The following GTF2A1 variants were observed in gnomAD, a reference collection of about 807,000 sequenced individuals.
The protein encoded by GTF2A1 is general transcription factor IIA subunit 1.
A neutral mutation model predicts 54.1 loss-of-function variants in GTF2A1; 12 were observed. The ratio of observed to expected loss-of-function variants is 0.22; its 90% CI spans 0.14 to 0.36. The LOEUF is 0.36. GTF2A1 is among the 10% of genes least tolerant of loss of function. The pLI, the probability that GTF2A1 is intolerant of heterozygous loss-of-function variation, is 1.00. For synonymous variants in GTF2A1, 145 were observed against 152.0 expected (o/e 0.95, Z 0.34); for missense variants, 335 against 442.2 (o/e 0.76, Z 2.17).
At chr14:81,209,073 T>A (rs142548675) in intron 2 of GTF2A1, among the ~76,000 whole-genome samples, 9 of 152,302 alleles carry the variant, frequency 5.9e-5, no homozygotes, top group African/African-American at 1.9e-4. Flanking sequence ...TTTTGAAATA[T>A]GACGACATGA....
intron 2 of GTF2A1, among the ~76,000 whole-genome samples, chr14:81,207,742 G>C (rs1246669669): frequency 1.3e-5 from 2 of 152,236 alleles, no homozygotes; most frequent in Non-Finnish European, 2.9e-5. Context: ...GGTGGTCTCA[G>C]ATGGCGATGA....
At chr14:81,218,180 A>G (rs1595234174) in intron 1 of GTF2A1, among the ~76,000 whole-genome samples, 1 of 152,240 alleles carries the variant, frequency 6.6e-6, no homozygotes, top group East Asian at 1.9e-4. Context: ...CAAATTGACA[A>G]TATGTATGCT....
intron 2 of GTF2A1, chr14:81,209,854 T>G: frequency 1.7e-6 from 2 of 1,152,182 alleles, no homozygotes; most frequent in African/African-American, 1.6e-5. Flanking sequence ...AAAAGACATT[T>G]CTATTTTGTA....
At chr14:81,193,777 T>C (rs987456604) in intron 6 of GTF2A1, among the ~76,000 whole-genome samples, 1 of 152,200 alleles carries the variant, frequency 6.6e-6, no homozygotes, top group Non-Finnish European at 1.5e-5. Context: ...AAATATTAAC[T>C]ATATGTATTA....
intron 5 of GTF2A1, 61 bp from the exon 6 acceptor site, chr14:81,196,302 G>T (rs897334455): frequency 5.9e-6 from 9 of 1,535,234 alleles, no homozygotes; most frequent in Non-Finnish European, 8.1e-6. Flanking sequence ...CAAAAGAAAT[G>T]AATTCATATT....
intron 2 of GTF2A1, among the ~76,000 whole-genome samples, chr14:81,207,151 C>CTACG (rs1333887281): frequency 2.7e-5 from 3 of 111,190 alleles, no homozygotes; most frequent in African/African-American, 7.9e-5. Flanking sequence ...ACCTACCTAC[C>CTACG]TACCTACCTA....
intron 2 of GTF2A1, among the ~76,000 whole-genome samples, chr14:81,208,556 G>A (rs893204283): frequency 2.6e-5 from 4 of 152,208 alleles, no homozygotes; most frequent in African/African-American, 9.6e-5. Context: ...TGTGAGAAGA[G>A]GGCCACAGTC....
At chr14:81,184,542 T>C (rs1020373725) in intron 8 of GTF2A1, among the ~76,000 whole-genome samples, 4 of 152,214 alleles carry the variant, frequency 2.6e-5, no homozygotes, top group Non-Finnish European at 5.9e-5. Context: ...TCCACCTTTT[T>C]ATTAGTAAAT....
chr14:81,212,477 T>C (rs1448137054), intron 2 of GTF2A1, among the ~76,000 whole-genome samples: 4 of 152,204 alleles, frequency 2.6e-5, no homozygotes, highest in African/African-American at 9.6e-5. Flanking sequence ...ACCTCAAAGA[T>C]TGGGTTGAAA....
intron 3 of GTF2A1, chr14:81,202,955 A>C (rs1042380239): frequency 4.6e-5 from 17 of 368,756 alleles, no homozygotes; most frequent in African/African-American, 3.0e-4. Context: ...TGTCATTACC[A>C]ATTTTAAGAC....
intron 2 of GTF2A1, among the ~76,000 whole-genome samples, chr14:81,206,493 G>A (rs756018652): frequency 6.6e-5 from 10 of 152,158 alleles, no homozygotes; most frequent in African/African-American, 1.7e-4. Flanking sequence ...AAAAATGCTC[G>A]ACCTTACAGA....
intron 2 of GTF2A1, among the ~76,000 whole-genome samples, chr14:81,214,167 A>C (rs2140041677): frequency 6.6e-6 from 1 of 152,346 alleles, no homozygotes; most frequent in East Asian, 1.9e-4. Flanking sequence ...CAATCAAGGT[A>C]AGATTTGCAA....
intron 4 of GTF2A1, 77 bp from the exon 5 acceptor site, chr14:81,197,561 T>C: frequency 1.3e-6 from 1 of 795,370 alleles, no homozygotes; most frequent in Non-Finnish European, 2.0e-6. Flanking sequence ...TTTAATAGTG[T>C]ATGAAACTTT....
chr14:81,201,359 T>C (rs774078793), intron 4 of GTF2A1, among the ~76,000 whole-genome samples: 1 of 152,198 alleles, frequency 6.6e-6, no homozygotes, highest in South Asian at 2.1e-4. Flanking sequence ...GGGAATGGAA[T>C]AACTCTCACA....
rs1047116636 is a variant in GTF2A1, at chr14:81,179,519, G to A, written c.*704C>T. Reference sequence around the variant, plus strand: ...TGTGGTTTCAATTCCACTGAACTCAGACAAGACCCAAGTCTTTAATTACAT... The same window carrying A: ...TGTGGTTTCAATTCCACTGAACTCAAACAAGACCCAAGTCTTTAATTACAT... On this transcript the variant is annotated 3_prime_UTR_variant, in exon 9 of 9. Transcript: ENST00000553612. The A allele has an allele frequency of 6.6e-6, 1 of 152,156 alleles. No individual in the cohort carries two copies. Among genetic ancestry groups the A allele is most frequent in the African/African-American group, 2.4e-5 (1 of 41,436 alleles). 9.4% of individuals were successfully genotyped at this position (152,156 alleles called of 1,614,324 possible).
In GTF2A1 at chr14:81,220,697, G is replaced by T; in HGVS notation, c.-179C>A. The stretch of plus-strand genomic sequence containing the variant: ...GGAGAGCGGAGAGAGGAGGAGGAGG[G>T]GGGCACTCCTCCCGCAGCTGAAAAC... On this transcript the variant is annotated 5_prime_UTR_variant, in exon 1 of 9. Transcript: ENST00000553612. The T allele has an allele frequency of 2.6e-6, 1 of 391,592 alleles. No individual in the cohort carries two copies. The highest frequency in any genetic ancestry group is 4.5e-5 in the Admixed American group (1 of 22,246). 24.3% of individuals were successfully genotyped at this position (391,592 alleles called of 1,614,324 possible).
intron 2 of GTF2A1, among the ~76,000 whole-genome samples, chr14:81,205,650 G>A (rs1893212508): frequency 6.6e-6 from 1 of 152,228 alleles, no homozygotes; most frequent in African/African-American, 2.4e-5. Flanking sequence ...GGCCATTTAT[G>A]TAACCTGATC....
At chr14:81,219,325 G>T (rs114403252) in intron 1 of GTF2A1, among the ~76,000 whole-genome samples, 9 of 152,276 alleles carry the variant, frequency 5.9e-5, no homozygotes, top group African/African-American at 2.2e-4. Flanking sequence ...CTCTTGCCTC[G>T]GGAGCACGCA....
intron 7 of GTF2A1, among the ~76,000 whole-genome samples, chr14:81,188,756 G>A (rs921350885): frequency 2.0e-5 from 3 of 147,342 alleles, no homozygotes; most frequent in Non-Finnish European, 4.5e-5. Context: ...CAGCCTGGGC[G>A]ATAGCGTGAG....
Sources: gnomAD v4.1 joint callset for allele counts (sites outside exome capture counted in the v4.1 genomes callset) on GRCh38, gnomAD v4.1.1 for gene constraint, MANE v1.5 for transcripts, NCBI Gene and HGNC (gene_info 2026-07-23, HGNC 2026-07-21) for gene names.